TPRKB: variants seen among roughly 807,000 people sequenced by gnomAD.
TPRKB encodes EKC/KEOPS complex subunit TPRKB.
Under a neutral mutation model 17.8 loss-of-function variants are expected in TPRKB, and 11 were observed. That is an observed-to-expected ratio of 0.62 (90% CI 0.39 to 1.02). The LOEUF (loss-of-function observed/expected upper bound fraction) is 1.02. Ranked by LOEUF, TPRKB falls within the 50% of genes least tolerant of loss-of-function variation. The probability of loss-of-function intolerance (pLI) is 0.00; values close to 1 mark genes in which losing one functional copy is unlikely to be tolerated. For missense variants in TPRKB, 228 were observed against 198.0 expected (o/e 1.15, Z -0.91); for synonymous variants, 71 against 69.5 (o/e 1.02, Z -0.11).
At chr2:73,731,860 G>C in intron 3 of TPRKB, 1 of 225,260 alleles carries the variant, frequency 4.4e-6, no homozygotes, top group East Asian at 1.0e-4. Flanking sequence ...CACGCCTAAT[G>C]TTTTATCATT....
chr2:73,735,091 G>T (rs996904712), intron 1 of TPRKB, among the ~76,000 whole-genome samples: 1 of 152,188 alleles, frequency 6.6e-6, no homozygotes, highest in Non-Finnish European at 1.5e-5. Context: ...CACTCTGGGA[G>T]GCCGAGGCGA....
intron 3 of TPRKB, 154 bp from the exon 4 acceptor site, chr2:73,730,890 T>C: frequency 3.8e-6 from 2 of 524,010 alleles, no homozygotes; most frequent in South Asian, 6.3e-5. Context: ...TAATGATTCC[T>C]TTCCAACATC....
intron 2 of TPRKB, among the ~76,000 whole-genome samples, chr2:73,733,814 C>CTT (rs755122123): frequency 0.034 from 3,894 of 114,000 alleles, 384 homozygotes; most frequent in African/African-American, 0.14. Context: ...CTCATTCATT[C>CTT]TTTTTTTTTT....
intron 1 of TPRKB, among the ~76,000 whole-genome samples, chr2:73,736,316 A>G (rs1220759220): frequency 6.6e-6 from 1 of 152,218 alleles, no homozygotes; most frequent in Non-Finnish European, 1.5e-5. Context: ...CTAAAATATG[A>G]CCATCTTGGG....
At chr2:73,730,491 C>T (rs1250009435) in intron 4 of TPRKB, 69 bp downstream of exon 4, 9 of 1,123,826 alleles carry the variant, frequency 8.0e-6, no homozygotes, top group Non-Finnish European at 1.0e-5. Context: ...CTCTGGTGAT[C>T]AATAGGCAAA....
At chr2:73,736,977 C>T (rs1038417102) in intron 1 of TPRKB, among the ~76,000 whole-genome samples, 16 of 152,092 alleles carry the variant, frequency 1.1e-4, no homozygotes, top group African/African-American at 3.6e-4. Flanking sequence ...TGACGCACTC[C>T]TCCCTCCCTT....
chr2:73,732,369 G>C (rs1671655960), intron 2 of TPRKB, 84 bp from the exon 3 acceptor site: 3 of 1,409,394 alleles, frequency 2.1e-6, no homozygotes, highest in Non-Finnish European at 2.9e-6. Flanking sequence ...GTTAACTCCA[G>C]TGTCAAGCTG....
intron 4 of TPRKB, 63 bp downstream of exon 4, chr2:73,730,497 G>T: frequency 1.7e-6 from 2 of 1,182,914 alleles, no homozygotes; most frequent in Non-Finnish European, 2.4e-6. Context: ...TGATCAATAG[G>T]CAAACGGCAT....
Position 73,736,805 on chromosome 2 carries a change from A to C in TPRKB, c.-23+497T>G, listed in dbSNP as rs185029983. ...TGTCATTCTGCTGCTCTTATGATAA[A>C]GCCCCAACTTTGTGTCACGGTGTTC... is the stretch of plus-strand genomic sequence containing the variant. On this transcript the variant is annotated intron_variant, in intron 1 of 4. Coordinates refer to ENST00000272424, the MANE Select transcript of TPRKB (RefSeq NM_016058.5). Among the ~76,000 whole-genome samples the C allele has an allele frequency of 4.3e-3, 656 of 152,240 alleles. 7 individuals are homozygous for C. Among genetic ancestry groups the C allele is most frequent in the African/African-American group, 0.015 (630 of 41,548 alleles).
intron 2 of TPRKB, among the ~76,000 whole-genome samples, chr2:73,733,689 T>G (rs1202092754): frequency 6.6e-6 from 1 of 152,188 alleles, no homozygotes; most frequent in Non-Finnish European, 1.5e-5. Flanking sequence ...TTCACTGTTA[T>G]AGTCAAAGTT....
chr2:73,731,336 C>T (rs558859196), intron 3 of TPRKB, among the ~76,000 whole-genome samples: 2 of 152,136 alleles, frequency 1.3e-5, no homozygotes, highest in African/African-American at 4.8e-5. Flanking sequence ...CTCTTCTGCC[C>T]CTAGAACTGT....
Position 73,730,590 on chromosome 2 carries a change from A to T in TPRKB, c.411T>A (p.Pro137=). ...TGACTTCTGTAATATTCATTATTTC[A>T]GGAAGATTTTTCAGAGAAACCTGAT... is the stretch of plus-strand genomic sequence containing the variant. ...EGHQVSLKNL[P]EIMNITEVKK... Residue 137 remains proline (P), a synonymous_variant, in exon 4 of 5, where the codon CCT becomes CCA. Coordinates refer to ENST00000272424, the MANE Select transcript of TPRKB (RefSeq NM_016058.5). 1 of 1,590,564 alleles carries T rather than the reference A, an allele frequency of 6.3e-7. No homozygotes were observed. The highest frequency in any genetic ancestry group is 1.9e-4 in the Middle Eastern group (1 of 5,370).
Position 73,732,097 on chromosome 2 carries a change from A to T in TPRKB, c.264+66T>A, listed in dbSNP as rs1007651247. On this transcript the variant is annotated intron_variant, in intron 3 of 4. Coordinates refer to ENST00000272424, the MANE Select transcript of TPRKB (RefSeq NM_016058.5). ...CTGGCTTGCAGGAATTTAGCCTCCA[A>T]CCCAACACTGAGGAACACATATGTT... The T allele has an allele frequency of 1.9e-6, 3 of 1,555,314 alleles. No individual in the cohort carries two copies. In the African/African-American group the frequency reaches 4.1e-5, roughly 21 times the overall value.
Position 73,734,533 on chromosome 2 carries a change from A to G in TPRKB, c.37T>C (p.Cys13Arg). 6.2e-7 allele frequency: 1 copy of G among 1,613,756 alleles called. No individual in the cohort carries two copies. The highest frequency in any genetic ancestry group is 1.1e-5 in the South Asian group (1 of 90,964). Residue 13 changes from cysteine to arginine, a missense_variant, in exon 2 of 5, where the codon TGC (cysteine) becomes CGC (arginine). Coordinates refer to ENST00000272424, the MANE Select transcript of TPRKB (RefSeq NM_016058.5). ...LTHQLDLFPE[C>R]RVTLLLFKDV... ...TTAAATAACAGAAGGGTTACCCTGC[A>G]TTCGGGAAATAGGTCCAGCTGATGT... is the stretch of plus-strand genomic sequence containing the variant.
intron 3 of TPRKB, chr2:73,731,256 CAT>C (rs1573140683): frequency 6.6e-6 from 1 of 152,304 alleles, no homozygotes; most frequent in African/African-American, 2.4e-5. Context: ...TTCATTTTCC[CAT>C]TATATCATTT....
chr2:73,737,074 C>A (rs1477872918), intron 1 of TPRKB, among the ~76,000 whole-genome samples: 1 of 152,136 alleles, frequency 6.6e-6, no homozygotes, highest in Non-Finnish European at 1.5e-5. Context: ...CCTTTTTGGG[C>A]CCAATCACAA....
intron 1 of TPRKB, among the ~76,000 whole-genome samples, chr2:73,735,437 G>A (rs905499175): frequency 2.0e-5 from 3 of 151,912 alleles, no homozygotes; most frequent in Non-Finnish European, 2.9e-5. Context: ...GTATACAGAT[G>A]TAACAAACCT....
chr2:73,730,789 T>G (rs1671570460), intron 3 of TPRKB, 53 bp from the exon 4 acceptor site: 2 of 1,305,626 alleles, frequency 1.5e-6, no homozygotes, highest in South Asian at 1.6e-5. Context: ...CATTGTTTCC[T>G]ACGTCTGAAA....
chr2:73,734,117 CCAGA>C (rs1671765239), intron 2 of TPRKB, among the ~76,000 whole-genome samples: 1 of 139,268 alleles, frequency 7.2e-6, no homozygotes, highest in Non-Finnish European at 1.5e-5. Flanking sequence ...TTTTTTTTTT[CCAGA>C]CAGAGTTTTG....
Sources: gnomAD v4.1 joint callset for allele counts (sites outside exome capture counted in the v4.1 genomes callset) on GRCh38, gnomAD v4.1.1 for gene constraint, MANE v1.5 for transcripts, NCBI Gene and HGNC (gene_info 2026-07-23, HGNC 2026-07-21) for gene names.